The following UNC5B variants were observed in gnomAD, a reference collection of about 807,000 sequenced individuals.
The protein encoded by UNC5B is unc-5 netrin receptor B, also known as netrin receptor UNC5B.
In UNC5B, 56 loss-of-function variants were observed where a neutral mutation model predicts 103.7. The observed-to-expected ratio is 0.54, with a 90% CI of 0.44 to 0.67. The LOEUF is 0.67. Ranked by LOEUF, UNC5B falls within the 30% of genes least tolerant of loss-of-function variation. The pLI, the probability that UNC5B is intolerant of heterozygous loss-of-function variation, is 0.00. For missense variants in UNC5B, 1,194 were observed against 1,284.5 expected, an observed-to-expected ratio of 0.93 and a Z score of 1.08; for synonymous variants, 577 against 542.0, an observed-to-expected ratio of 1.06 and a Z score of -0.90.
rs536433397 is a variant in UNC5B, at chr10:71,274,005, C to T, written c.80-5816C>T. Among the ~76,000 whole-genome samples the T allele has an allele frequency of 3.3e-5, 5 of 152,320 alleles. No homozygotes were observed. In the East Asian group the frequency reaches 7.7e-4, roughly 23 times the overall value. On this transcript the variant is annotated intron_variant, in intron 1 of 16. Coordinates refer to ENST00000335350, the MANE Select transcript of UNC5B (RefSeq NM_170744.5). ...GGATAAGACAGACTGGGGGACCAGG[C>T]TGCAACCTCCAGACTGGGAAGTGCA...
At chr10:71,270,762 C>A (rs981913010) in intron 1 of UNC5B, among the ~76,000 whole-genome samples, 2 of 152,172 alleles carry the variant, frequency 1.3e-5, no homozygotes, top group Non-Finnish European at 2.9e-5. Flanking sequence ...ACCTGAACAA[C>A]TGGGTGCTTG....
At chr10:71,214,459 G>A (rs1352404284) in intron 1 of UNC5B, among the ~76,000 whole-genome samples, 3 of 152,108 alleles carry the variant, frequency 2.0e-5, no homozygotes, top group Admixed American at 6.6e-5. Flanking sequence ...TTTGAAGTTG[G>A]AAGGTAATGA....
At position 71,296,660 on chromosome 10, in the gene UNC5B, C is replaced by G. The variant is rs1400439280; in HGVS notation, c.2408C>G (p.Ser803Cys). ...TFTLERHSLASTELTCKICVR... is the reference protein window; with the variant it reads ...TFTLERHSLACTELTCKICVR... ...ACCCTGGAGAGGCACAGCTTGGCCT[C>G]CACAGAGCTCACCTGCAAGATCTGC... The change falls in exon 15 of 17, where the codon TCC becomes TGC. Residue 803 changes from serine (S) to cysteine (C), a missense_variant. Transcript: ENST00000335350. The G allele has an allele frequency of 6.2e-7, 1 of 1,614,144 alleles. No homozygotes were observed. The highest frequency in any genetic ancestry group is 8.5e-7 in the Non-Finnish European group (1 of 1,180,034).
intron 1 of UNC5B, among the ~76,000 whole-genome samples, chr10:71,239,529 C>T (rs950747162): frequency 6.6e-6 from 1 of 152,124 alleles, no homozygotes; most frequent in African/African-American, 2.4e-5. Context: ...ACTAATAGTT[C>T]CAGCCTCATG....
chr10:71,221,308 G>A (rs1430564153), intron 1 of UNC5B, among the ~76,000 whole-genome samples: 1 of 152,140 alleles, frequency 6.6e-6, no homozygotes, highest in Admixed American at 6.5e-5. Context: ...GGGCATGTGC[G>A]AGAAGGGGCC....
At chr10:71,245,557 T>C (rs1323002878) in intron 1 of UNC5B, among the ~76,000 whole-genome samples, 2 of 152,058 alleles carry the variant, frequency 1.3e-5, no homozygotes, top group Non-Finnish European at 2.9e-5. Context: ...TAGTCTCTGA[T>C]GTGGGGAGGC....
chr10:71,235,980 A>G (rs918986143), intron 1 of UNC5B, among the ~76,000 whole-genome samples: 4 of 152,090 alleles, frequency 2.6e-5, no homozygotes, highest in African/African-American at 4.8e-5. Flanking sequence ...TCAGGTCCAC[A>G]CTCTGCCACT....
chr10:71,222,317 T>TCAG (rs1843468954), intron 1 of UNC5B, among the ~76,000 whole-genome samples: 4 of 32,248 alleles, frequency 1.2e-4, no homozygotes, highest in Non-Finnish European at 5.9e-4. Context: ...CAGAGGTCTC[T>TCAG]TAGTGGAAAG....
chr10:71,269,810 T>C (rs541390847), intron 1 of UNC5B, among the ~76,000 whole-genome samples: 3 of 151,496 alleles, frequency 2.0e-5, no homozygotes, highest in South Asian at 2.1e-4. Flanking sequence ...AAAAAAGGCA[T>C]TGGGGAGATA....
At chr10:71,215,957 G>A (rs1429605898) in intron 1 of UNC5B, among the ~76,000 whole-genome samples, 2 of 151,986 alleles carry the variant, frequency 1.3e-5, no homozygotes, top group Non-Finnish European at 2.9e-5. Context: ...GTGTCTTAAT[G>A]GGTTTTCTCA....
chr10:71,286,231 G>A (rs149887805), intron 4 of UNC5B, among the ~76,000 whole-genome samples: 51 of 152,292 alleles, frequency 3.3e-4, no homozygotes, highest in Non-Finnish European at 6.5e-4. Context: ...CTGGGGTTTG[G>A]ACCCAGGTCT....
rs547564700 is a variant in UNC5B, at chr10:71,220,292, A to C, written c.79+7228A>C. Among the ~76,000 whole-genome samples, 15 of 152,324 alleles carry C rather than the reference A, an allele frequency of 9.8e-5. No homozygotes were observed. In the East Asian group the frequency reaches 2.7e-3, roughly 27 times the overall value. ...TAGGGATCATATTGGGGGTGGAGAC[A>C]TGGGGAGGTATCTCCCTACTTTCTG... On this transcript the variant is annotated intron_variant, in intron 1 of 16. Transcript: ENST00000335350.
intron 1 of UNC5B, among the ~76,000 whole-genome samples, chr10:71,248,372 G>A (rs998429411): frequency 2.6e-5 from 4 of 152,052 alleles, no homozygotes; most frequent in Non-Finnish European, 4.4e-5. Context: ...AAAGCCCCCC[G>A]CACCTCCAGA....
At chr10:71,224,708 G>A (rs1229861026) in intron 1 of UNC5B, among the ~76,000 whole-genome samples, 1 of 152,168 alleles carries the variant, frequency 6.6e-6, no homozygotes, top group Non-Finnish European at 1.5e-5. Flanking sequence ...GACATTAAAG[G>A]AAATGGGCAT....
chr10:71,226,244 T>G (rs1030442214), intron 1 of UNC5B, among the ~76,000 whole-genome samples: 2 of 152,012 alleles, frequency 1.3e-5, no homozygotes, highest in African/African-American at 4.8e-5. Flanking sequence ...TCGGCTAATT[T>G]TTGTATTTTT....
rs756170260 is a variant in UNC5B, at chr10:71,286,782, C to A, written c.646C>A (p.Arg216Ser). 8.1e-6 allele frequency: 13 copies of A among 1,614,224 alleles called. No individual in the cohort carries two copies. The highest frequency in any genetic ancestry group is 1.0e-5 in the Non-Finnish European group (12 of 1,180,044). Residue 216 changes from arginine (R) to serine (S), a missense_variant, in exon 5 of 17, where the codon CGC (arginine) becomes AGC (serine). Arg to Ser is a moderately radical substitution (Grantham distance 110, BLOSUM62 -1). Transcript: ENST00000335350. ...CCACAACCTCATCATCCGCCAGGCC[C>A]GCCTGTCGGACACTGCCAACTATAC... The part of the protein sequence containing the change: ...IDHNLIIRQA[R>S]LSDTANYTCV...
At chr10:71,216,689 C>T (rs898570919) in intron 1 of UNC5B, among the ~76,000 whole-genome samples, 2 of 152,228 alleles carry the variant, frequency 1.3e-5, no homozygotes, top group African/African-American at 2.4e-5. Flanking sequence ...TCTCCTGGAC[C>T]GCAGGTCTAG....
chr10:71,271,749 G>A (rs540845732), intron 1 of UNC5B, among the ~76,000 whole-genome samples: 1 of 152,350 alleles, frequency 6.6e-6, no homozygotes, highest in South Asian at 2.1e-4. Flanking sequence ...CGTTTCACAG[G>A]AGCAGATGGA....
At chr10:71,256,525 A>T (rs1404238325) in intron 1 of UNC5B, among the ~76,000 whole-genome samples, 2 of 152,270 alleles carry the variant, frequency 1.3e-5, no homozygotes, top group African/African-American at 4.8e-5. Flanking sequence ...AGGTTCGGGA[A>T]CAGAGGGGAC....
Sources: allele counts gnomAD v4.1 joint callset (sites outside exome capture counted in the v4.1 genomes callset), GRCh38; gene constraint gnomAD v4.1.1; transcripts MANE v1.5; gene names NCBI Gene and HGNC (gene_info 2026-07-23, HGNC 2026-07-21).